LINGO2: variants seen among roughly 807,000 people sequenced by gnomAD.
LINGO2 encodes the protein leucine rich repeat and Ig domain containing 2, also known as leucine-rich repeat and immunoglobulin-like domain-containing nogo receptor-interacting protein 2.
A neutral mutation model predicts 30.6 loss-of-function variants in LINGO2; 14 were observed. The observed-to-expected ratio is 0.46, with a 90% CI of 0.30 to 0.72. LINGO2 has a LOEUF of 0.72. Among genes scored for constraint, LINGO2 ranks in the 30% least tolerant of loss-of-function variants. The pLI is 0.07. For missense variants in LINGO2, 729 were observed against 751.7 expected, an observed-to-expected ratio of 0.97 and a Z score of 0.35; for synonymous variants, 317 against 288.5, an observed-to-expected ratio of 1.10 and a Z score of -1.00.
the LINGO2 span, among the ~76,000 whole-genome samples, chr9:28,802,036 G>A: frequency 6.6e-6 from 1 of 151,592 alleles, no homozygotes; most frequent in Admixed American, 6.6e-5. Context: ...CAAAAGTTAT[G>A]CATAGCATAT....
chr9:29,048,216 C>T, the LINGO2 span, among the ~76,000 whole-genome samples: 7 of 151,538 alleles, frequency 4.6e-5, no homozygotes, highest in African/African-American at 1.2e-4. Context: ...ATTCCATTTA[C>T]AATAGCCACA....
At chr9:28,590,848 T>G (rs1237762027) in intron 1 of LINGO2, among the ~76,000 whole-genome samples, 1 of 152,040 alleles carries the variant, frequency 6.6e-6, no homozygotes, top group Admixed American at 6.6e-5. Context: ...GCTATAAAGA[T>G]ACATGCACAT....
At chr9:28,430,829 T>C (rs913629370) in intron 2 of LINGO2, among the ~76,000 whole-genome samples, 2 of 152,080 alleles carry the variant, frequency 1.3e-5, no homozygotes, top group Non-Finnish European at 2.9e-5. Context: ...TACATTGTGG[T>C]CAAGGTGTTG....
At position 28,521,535 on chromosome 9, in the gene LINGO2, C is replaced by T. The variant is rs115909236; in HGVS notation, c.-364-45510G>A. On this transcript the variant is annotated intron_variant, in intron 1 of 5. Transcript: ENST00000379992. ...AGCCAATTAGTCATGTTCTTCCCCC[C>T]ATTTTTCCTTCTGAAAAATGTAGAA... Among the ~76,000 whole-genome samples, 446 of 152,258 alleles carry T rather than the reference C, an allele frequency of 2.9e-3. 2 individuals are homozygous for T. Among genetic ancestry groups the T allele is most frequent in the African/African-American group, 0.01 (427 of 41,562 alleles).
chr9:28,925,508 A>G, the LINGO2 span, among the ~76,000 whole-genome samples: 1 of 152,210 alleles, frequency 6.6e-6, no homozygotes, highest in African/African-American at 2.4e-5. Flanking sequence ...GTGATACATC[A>G]TTGCAGAAAA....
the LINGO2 span, among the ~76,000 whole-genome samples, chr9:29,089,645 T>G: frequency 6.6e-6 from 1 of 152,080 alleles, no homozygotes; most frequent in Non-Finnish European, 1.5e-5. Flanking sequence ...TACTGCAATT[T>G]TATAACACCT....
At chr9:28,441,527 G>C (rs1824198889) in intron 2 of LINGO2, among the ~76,000 whole-genome samples, 1 of 151,968 alleles carries the variant, frequency 6.6e-6, no homozygotes, top group African/African-American at 2.4e-5. Context: ...TGTGACTCCA[G>C]ATAATTTGAT....
At chr9:27,994,420 A>T (rs1821553923) in intron 5 of LINGO2, among the ~76,000 whole-genome samples, 1 of 152,140 alleles carries the variant, frequency 6.6e-6, no homozygotes, top group Non-Finnish European at 1.5e-5. Flanking sequence ...AATAAGTAAA[A>T]TTGTTAGAGT....
the LINGO2 span, among the ~76,000 whole-genome samples, chr9:29,201,804 C>T: frequency 2.6e-5 from 4 of 152,082 alleles, no homozygotes; most frequent in East Asian, 3.9e-4. Context: ...ATCCTATCAT[C>T]GTAAACTTCA....
chr9:28,927,708 A>C, the LINGO2 span, among the ~76,000 whole-genome samples: 1 of 152,226 alleles, frequency 6.6e-6, no homozygotes, highest in African/African-American at 2.4e-5. Context: ...TATTAATAAG[A>C]GCTAACACCT....
At chr9:29,031,280 T>TATTC in the LINGO2 span, among the ~76,000 whole-genome samples, 2 of 151,904 alleles carry the variant, frequency 1.3e-5, no homozygotes, top group African/African-American at 4.8e-5. Flanking sequence ...GTGATTTATT[T>TATTC]ATTTATTTAT....
the LINGO2 span, among the ~76,000 whole-genome samples, chr9:28,981,287 T>G: frequency 6.6e-6 from 1 of 152,000 alleles, no homozygotes; most frequent in South Asian, 2.1e-4. Flanking sequence ...ACTGGCAGAG[T>G]CTGATCTCAG....
chr9:28,974,125 G>C, the LINGO2 span, among the ~76,000 whole-genome samples: 8 of 152,088 alleles, frequency 5.3e-5, no homozygotes, highest in Admixed American at 6.6e-5. Context: ...TATATAAATA[G>C]AGGCTGGGTG....
At chr9:29,009,599 T>C in the LINGO2 span, among the ~76,000 whole-genome samples, 2 of 152,264 alleles carry the variant, frequency 1.3e-5, no homozygotes, top group African/African-American at 2.4e-5. Context: ...AAAATGGCCA[T>C]ACTGTCCAAG....
chr9:29,017,820 C>T, the LINGO2 span, among the ~76,000 whole-genome samples: 2 of 151,890 alleles, frequency 1.3e-5, no homozygotes, highest in Non-Finnish European at 2.9e-5. Flanking sequence ...ATCCCTAAGT[C>T]TCTAGACTGA....
At chr9:28,052,576 G>A (rs578249277) in intron 4 of LINGO2, among the ~76,000 whole-genome samples, 1 of 152,202 alleles carries the variant, frequency 6.6e-6, no homozygotes, top group Admixed American at 6.6e-5. Context: ...GGAAGCAGCA[G>A]AAACACCTGG....
chr9:28,966,900 C>A, the LINGO2 span, among the ~76,000 whole-genome samples: 1 of 151,884 alleles, frequency 6.6e-6, no homozygotes, highest in South Asian at 2.1e-4. Flanking sequence ...AACTAATACC[C>A]ACTTACTGAT....
At chr9:28,916,089 ACC>A in the LINGO2 span, among the ~76,000 whole-genome samples, 2 of 151,946 alleles carry the variant, frequency 1.3e-5, no homozygotes, top group East Asian at 3.9e-4. Flanking sequence ...CCTTCCTTAC[ACC>A]CCACTTCTCT....
chr9:28,998,939 A>T, the LINGO2 span, among the ~76,000 whole-genome samples: 1 of 152,166 alleles, frequency 6.6e-6, no homozygotes, highest in Non-Finnish European at 1.5e-5. Context: ...GAATGTATTT[A>T]AAATACTTTA....
Sources: allele counts gnomAD v4.1 joint callset (sites outside exome capture counted in the v4.1 genomes callset), GRCh38; gene constraint gnomAD v4.1.1; transcripts MANE v1.5; gene names NCBI Gene and HGNC (gene_info 2026-07-23, HGNC 2026-07-21).